Variants in SPCS2 observed in about 807,000 individuals in gnomAD.
SPCS2 encodes SPase 25 kDa subunit.
Under a neutral mutation model 22.3 loss-of-function variants are expected in SPCS2, and 3 were observed. The ratio of observed to expected loss-of-function variants is 0.13; its 90% CI spans 0.06 to 0.35. The LOEUF (loss-of-function observed/expected upper bound fraction) is 0.35. Ranked by LOEUF, SPCS2 falls within the 10% of genes least tolerant of loss-of-function variation. The probability of loss-of-function intolerance (pLI) is 1.00; values close to 1 mark genes in which losing one functional copy is unlikely to be tolerated. For missense variants in SPCS2, 169 were observed against 280.9 expected (o/e 0.60, Z 2.85); for synonymous variants, 67 against 97.2 (o/e 0.69, Z 1.83).
chr11:74,953,151 A>C (rs1024915983), intron 1 of SPCS2, among the ~76,000 whole-genome samples: 1 of 152,108 alleles, frequency 6.6e-6, no homozygotes, highest in African/African-American at 2.4e-5. Context: ...TTCTCAGTGG[A>C]GCAGGATCTG....
chr11:74,976,751 C>T, intron 4 of SPCS2, 106 bp from the exon 5 acceptor site: 3 of 1,415,564 alleles, frequency 2.1e-6, no homozygotes, highest in Non-Finnish European at 2.9e-6. Context: ...CCCTGTATCA[C>T]CGTGCCCAGC....
At chr11:74,972,687 A>G (rs1591742239) in intron 4 of SPCS2, among the ~76,000 whole-genome samples, 2 of 149,218 alleles carry the variant, frequency 1.3e-5, no homozygotes, top group Middle Eastern at 3.5e-3. Context: ...AAAGTCCCCT[A>G]TAACCTAGCC....
intron 1 of SPCS2, among the ~76,000 whole-genome samples, chr11:74,949,996 T>C (rs1948355641): frequency 1.3e-5 from 2 of 151,762 alleles, no homozygotes; most frequent in Admixed American, 1.3e-4. Context: ...TCCACCTCCC[T>C]CTTTGCTACC....
intron 1 of SPCS2, among the ~76,000 whole-genome samples, chr11:74,961,529 G>GT (rs542493035): frequency 5.4e-5 from 8 of 147,548 alleles, no homozygotes; most frequent in African/African-American, 7.5e-5. Flanking sequence ...TGTTGTTGTT[G>GT]TTGTTTGTTT....
chr11:74,967,604 C>T (rs1948554489), intron 3 of SPCS2, among the ~76,000 whole-genome samples: 1 of 152,132 alleles, frequency 6.6e-6, no homozygotes, highest in African/African-American at 2.4e-5. Flanking sequence ...CAAAAATTAG[C>T]TGGGCATGGT....
intron 1 of SPCS2, among the ~76,000 whole-genome samples, chr11:74,951,546 C>T (rs1452622125): frequency 1.3e-5 from 2 of 152,100 alleles, no homozygotes; most frequent in East Asian, 1.9e-4. Flanking sequence ...CGCAGTGGCT[C>T]ACACCTGTAA....
Position 74,975,434 on chromosome 11 carries a change from C to T in SPCS2, c.495-1423C>T, listed in dbSNP as rs563851561. On this transcript the variant is annotated intron_variant, in intron 4 of 4. Transcript: ENST00000263672. The stretch of plus-strand genomic sequence containing the variant: ...CAGACATTTATATTATGTTCACTGC[C>T]GTATATCCTTACCATCTAAAACTGC... Among the ~76,000 whole-genome samples, 5 of 152,144 alleles carry T rather than the reference C, an allele frequency of 3.3e-5. No individual in the cohort carries two copies. In the South Asian group the frequency reaches 6.2e-4, roughly 19 times the overall value.
intron 1 of SPCS2, among the ~76,000 whole-genome samples, chr11:74,954,002 T>C (rs539227922): frequency 1.2e-4 from 19 of 152,252 alleles, no homozygotes; most frequent in Non-Finnish European, 2.4e-4. Context: ...TGAGAATTAG[T>C]TAAAATTAAC....
At position 74,951,928 on chromosome 11, in the gene SPCS2, G is replaced by A. The variant is rs73496942; in HGVS notation, c.114+2529G>A. On this transcript the variant is annotated intron_variant, in intron 1 of 4. Coordinates refer to ENST00000263672, the MANE Select transcript of SPCS2 (RefSeq NM_014752.3). ...ACATGCCAGGTAAAAAAGTCTCCTT[G>A]AGTAAAGTTACACAGATGTGATGGT... Among the ~76,000 whole-genome samples, 722 of 152,032 alleles carry A rather than the reference G, an allele frequency of 4.7e-3. 6 individuals are homozygous for A. The highest frequency in any genetic ancestry group is 0.016 in the African/African-American group (663 of 41,480).
Position 74,949,380 on chromosome 11 carries a change from G to C in SPCS2, c.95G>C (p.Arg32Pro), listed in dbSNP as rs1475692253. The change falls in exon 1 of 5, where the codon CGT (arginine) becomes CCT (proline). Residue 32 changes from arginine (R) to proline (P), a missense_variant. Around this residue, in one of 2 missense-constraint regions of SPCS2, gnomAD observed 118 missense variants for 243.1 expected, o/e 0.49. Coordinates refer to ENST00000263672, the MANE Select transcript of SPCS2 (RefSeq NM_014752.3). The part of the protein sequence containing the change: ...GASNCGTGSG[R>P]SGLLDKWKID... The stretch of plus-strand genomic sequence containing the variant: ...TCCAACTGCGGGACAGGAAGTGGCC[G>C]TAGCGGCTTGTTGGATAAGGTGAGG... 1.9e-6 allele frequency: 3 copies of C among 1,551,520 alleles called. No individual in the cohort carries two copies. The highest frequency in any genetic ancestry group is 8.7e-7 in the Non-Finnish European group (1 of 1,146,896).
intron 3 of SPCS2, among the ~76,000 whole-genome samples, chr11:74,966,318 A>G (rs943321240): frequency 6.6e-6 from 1 of 152,180 alleles, no homozygotes; most frequent in African/African-American, 2.4e-5. Context: ...GGAGACTCAG[A>G]TCTGTATTAA....
chr11:74,965,251 A>C, intron 2 of SPCS2, 134 bp downstream of exon 2: 1 of 613,556 alleles, frequency 1.6e-6, no homozygotes, highest in South Asian at 2.3e-5. Context: ...CAGTTTCTAA[A>C]ATTTCTCACA....
intron 1 of SPCS2, 102 bp downstream of exon 1, chr11:74,949,501 A>T: frequency 2.8e-6 from 3 of 1,058,616 alleles, no homozygotes; most frequent in Non-Finnish European, 4.3e-6. Context: ...CGGCCTTTTG[A>T]GGGGAGCCCT....
chr11:74,952,603 C>T (rs766707521), intron 1 of SPCS2, among the ~76,000 whole-genome samples: 1 of 152,138 alleles, frequency 6.6e-6, no homozygotes, highest in Non-Finnish European at 1.5e-5. Context: ...AGGCATGAGC[C>T]ACCGCACCCA....
chr11:74,959,250 C>G (rs2140215808), intron 1 of SPCS2, among the ~76,000 whole-genome samples: 1 of 152,318 alleles, frequency 6.6e-6, no homozygotes, highest in South Asian at 2.1e-4. Context: ...AGCCAGGGAA[C>G]TTTATGAAGC....
intron 1 of SPCS2, among the ~76,000 whole-genome samples, chr11:74,955,851 AATATATATATATATATAT>A (rs60855711): frequency 0.015 from 837 of 55,606 alleles, 63 homozygotes; most frequent in East Asian, 0.04. Flanking sequence ...TACTAATTAA[AATATATATATATATATAT>A]ATATATATAT....
chr11:74,970,986 A>G (rs1205069397), intron 4 of SPCS2, among the ~76,000 whole-genome samples: 1 of 152,298 alleles, frequency 6.6e-6, no homozygotes, highest in Non-Finnish European at 1.5e-5. Flanking sequence ...ACCTCAAAAA[A>G]AAAACCTCTG....
intron 4 of SPCS2, among the ~76,000 whole-genome samples, chr11:74,973,965 T>C (rs575092247): frequency 7.9e-5 from 12 of 151,676 alleles, no homozygotes; most frequent in Non-Finnish European, 1.3e-4. Flanking sequence ...AAAAAAAAGG[T>C]TTTCTTTCCC....
chr11:74,975,338 A>G (rs922069438), intron 4 of SPCS2, among the ~76,000 whole-genome samples: 1 of 152,080 alleles, frequency 6.6e-6, no homozygotes, highest in Non-Finnish European at 1.5e-5. Flanking sequence ...CTGCCCATCT[A>G]TTTAAGAGAA....
Sources: gnomAD v4.1 joint callset for allele counts (sites outside exome capture counted in the v4.1 genomes callset) on GRCh38, gnomAD v4.1.1 for gene constraint, gnomAD v4.1.1 regional missense constraint, MANE v1.5 for transcripts, NCBI Gene and HGNC (gene_info 2026-07-23, HGNC 2026-07-21) for gene names.